Variants in ZBTB16 observed in about 807,000 individuals in gnomAD.
The protein encoded by ZBTB16 is zinc finger and BTB domain-containing protein 16.
ZBTB16 carries 8 observed loss-of-function variants against 56.8 expected under a neutral mutation model. The ratio of observed to expected loss-of-function variants is 0.14; its 90% CI spans 0.08 to 0.25. The LOEUF is 0.25. Among genes scored for constraint, ZBTB16 ranks in the 10% least tolerant of loss-of-function variants. The pLI, the probability that ZBTB16 is intolerant of heterozygous loss-of-function variation, is 1.00. For synonymous variants in ZBTB16, 363 were observed against 368.5 expected, an observed-to-expected ratio of 0.98 and a Z score of 0.17; for missense variants, 625 against 903.0, an observed-to-expected ratio of 0.69 and a Z score of 3.95.
At chr11:114,241,278 C>T (rs1168750690) in intron 4 of ZBTB16, among the ~76,000 whole-genome samples, 2 of 151,718 alleles carry the variant, frequency 1.3e-5, no homozygotes, top group Non-Finnish European at 2.9e-5. Context: ...CTTGGGAAAG[C>T]ATTAAAATCT....
At chr11:114,157,616 A>C (rs972535561) in intron 3 of ZBTB16, among the ~76,000 whole-genome samples, 1 of 152,148 alleles carries the variant, frequency 6.6e-6, no homozygotes, top group Non-Finnish European at 1.5e-5. Context: ...TCATGGGTAC[A>C]GTCGTGGAAG....
chr11:114,204,374 A>G (rs904986492), intron 4 of ZBTB16, among the ~76,000 whole-genome samples: 7 of 152,150 alleles, frequency 4.6e-5, no homozygotes, highest in African/African-American at 1.2e-4. Flanking sequence ...TCCTGACCTC[A>G]GGTGATCCAC....
At position 114,098,271 on chromosome 11, in the gene ZBTB16, A is replaced by G. The variant is rs377260253; in HGVS notation, c.1268+33703A>G. 3.3e-5 allele frequency among the ~76,000 whole-genome samples: 5 copies of G among 152,324 alleles called. No individual in the cohort carries two copies. The East Asian group carries it at 7.7e-4, about 24-fold the overall frequency. ...CCCCCGTGGTGGTATCATAGCCAGC[A>G]GCCTCGTTCTGTGCTTTTGAAGGTT... On this transcript the variant is annotated intron_variant, in intron 2 of 6. Coordinates refer to ENST00000335953, the MANE Select transcript of ZBTB16 (RefSeq NM_006006.6).
intron 4 of ZBTB16, among the ~76,000 whole-genome samples, chr11:114,229,887 T>C (rs17517124): frequency 0.055 from 8,398 of 152,228 alleles, 290 homozygotes; most frequent in Middle Eastern, 0.14. Context: ...ATAGTTTGAA[T>C]TGTGAAAAAA....
intron 2 of ZBTB16, among the ~76,000 whole-genome samples, chr11:114,146,917 G>A (rs1241397818): frequency 6.6e-6 from 1 of 151,148 alleles, no homozygotes; most frequent in African/African-American, 2.4e-5. Flanking sequence ...CTAGAAGAAA[G>A]GAAGAAAGAA....
chr11:114,114,227 A>G (rs763695675), intron 2 of ZBTB16, among the ~76,000 whole-genome samples: 1 of 152,240 alleles, frequency 6.6e-6, no homozygotes, highest in Non-Finnish European at 1.5e-5. Flanking sequence ...GGAGCAGTGA[A>G]TGTCTGTTGA....
At chr11:114,232,551 G>T (rs1214694400) in intron 4 of ZBTB16, among the ~76,000 whole-genome samples, 1 of 152,152 alleles carries the variant, frequency 6.6e-6, no homozygotes, top group Non-Finnish European at 1.5e-5. Flanking sequence ...TGCCAGAACG[G>T]GCAGTCCCTG....
chr11:114,135,842 C>G (rs1361029714), intron 2 of ZBTB16, among the ~76,000 whole-genome samples: 1 of 152,200 alleles, frequency 6.6e-6, no homozygotes. Context: ...GCTCTTGCAA[C>G]AGGAAGTGAC....
At chr11:114,121,398 G>T (rs1185372588) in intron 2 of ZBTB16, among the ~76,000 whole-genome samples, 1 of 152,164 alleles carries the variant, frequency 6.6e-6, no homozygotes, top group African/African-American at 2.4e-5. Context: ...TGAATCCTTG[G>T]TGGGGCTGCC....
intron 4 of ZBTB16, among the ~76,000 whole-genome samples, chr11:114,223,310 C>T (rs1433027339): frequency 6.6e-6 from 1 of 152,164 alleles, no homozygotes; most frequent in African/African-American, 2.4e-5. Context: ...TGAGTGTACA[C>T]CTAACAATCG....
At chr11:114,249,771 C>CAAAAAAAAAAAAAAAAAAA (rs55732116) in intron 6 of ZBTB16, among the ~76,000 whole-genome samples, 1 of 59,320 alleles carries the variant, frequency 1.7e-5, no homozygotes, top group African/African-American at 7.9e-5. Flanking sequence ...GACTCCGTCT[C>CAAAAAAAAAAAAAAAAAAA]AAAAAAAAAA....
At chr11:114,140,335 A>G (rs1386952400) in intron 2 of ZBTB16, among the ~76,000 whole-genome samples, 3 of 152,196 alleles carry the variant, frequency 2.0e-5, no homozygotes, top group East Asian at 1.9e-4. Context: ...GTGCACATGT[A>G]AGTACTGGTT....
At position 114,064,577 on chromosome 11, in the gene ZBTB16, C is replaced by T. The variant is rs538355187; in HGVS notation, c.1268+9C>T. On this transcript the variant is annotated intron_variant, in intron 2 of 6. Transcript: ENST00000335953. This position sits in a 1 kb window ranked among gnomAD's most constrained non-coding sequence, Gnocchi z 4.2. ...GCTGTGGAGCAGCACAGGTAGGCCC[C>T]GCTCCAGCCCCGCACCTGATGTAGG... The T allele has an allele frequency of 3.3e-5, 53 of 1,613,240 alleles. 1 individual carries two copies. Among genetic ancestry groups the T allele is most frequent in the African/African-American group, 2.1e-4 (16 of 75,032 alleles).
At chr11:114,126,175 T>C (rs752043695) in intron 2 of ZBTB16, among the ~76,000 whole-genome samples, 2 of 152,212 alleles carry the variant, frequency 1.3e-5, no homozygotes, top group Non-Finnish European at 2.9e-5. Flanking sequence ...TGATCTCTCA[T>C]TGGAATCCAT....
intron 3 of ZBTB16, among the ~76,000 whole-genome samples, chr11:114,184,140 G>A (rs866873406): frequency 6.6e-6 from 1 of 152,166 alleles, no homozygotes; most frequent in Non-Finnish European, 1.5e-5. Context: ...CCAGCCAGTC[G>A]ACTCACATTT....
Position 114,238,066 on chromosome 11 carries a change from G to A in ZBTB16, c.1454-4101G>A, listed in dbSNP as rs183484605. On this transcript the variant is annotated intron_variant, in intron 4 of 6. Transcript: ENST00000335953. ...TGACCATATGACTTCCAGCCTGTTGGCCAGTTGTGGAACTGGCCATCTGGG... is the reference window on the plus strand; with the variant it reads ...TGACCATATGACTTCCAGCCTGTTGACCAGTTGTGGAACTGGCCATCTGGG... 2.0e-5 allele frequency among the ~76,000 whole-genome samples: 3 copies of A among 152,272 alleles called. No individual in the cohort carries two copies. The East Asian group carries it at 5.8e-4, about 29-fold the overall frequency.
chr11:114,187,062 C>A (rs372577096), intron 4 of ZBTB16, 24 bp downstream of exon 4: 252 of 1,611,150 alleles, frequency 1.6e-4, no homozygotes, highest in Non-Finnish European at 2.0e-4. Flanking sequence ...GATTCCTGTT[C>A]TCCAGGTTTT....
At chr11:114,096,450 G>A (rs1940411433) in intron 2 of ZBTB16, among the ~76,000 whole-genome samples, 1 of 152,194 alleles carries the variant, frequency 6.6e-6, no homozygotes, top group Non-Finnish European at 1.5e-5. Flanking sequence ...TCTCCTGTGT[G>A]CTTCTTCGTC....
chr11:114,095,589 A>T lies in ZBTB16; in HGVS notation c.1268+31021A>T, dbSNP rs1348646745. 2.6e-5 allele frequency among the ~76,000 whole-genome samples: 4 copies of T among 152,296 alleles called. No individual in the cohort carries two copies. The East Asian group carries it at 7.7e-4, about 29-fold the overall frequency. Reference sequence around the variant, plus strand: ...ATTTCTTATACATAGGTTATGGAGCAGGGAGAAAGAGACATGCAAACAAGG... The same window carrying T: ...ATTTCTTATACATAGGTTATGGAGCTGGGAGAAAGAGACATGCAAACAAGG... On this transcript the variant is annotated intron_variant, in intron 2 of 6. Transcript: ENST00000335953.
Sources: gnomAD v4.1 joint callset for allele counts (sites outside exome capture counted in the v4.1 genomes callset) on GRCh38, gnomAD v4.1.1 for gene constraint, Gnocchi (gnomAD v3.1) non-coding constraint, MANE v1.5 for transcripts, NCBI Gene and HGNC (gene_info 2026-07-23, HGNC 2026-07-21) for gene names.